PPP2R2C: variants seen among roughly 807,000 people sequenced by gnomAD.
PPP2R2C encodes the protein protein phosphatase 2, regulatory subunit B, gamma.
A neutral mutation model predicts 45.3 loss-of-function variants in PPP2R2C; 10 were observed. The ratio of observed to expected loss-of-function variants is 0.22; its 90% CI spans 0.14 to 0.37. The LOEUF is 0.37. PPP2R2C is among the 10% of genes least tolerant of loss of function. The pLI, the probability that PPP2R2C is intolerant of heterozygous loss-of-function variation, is 1.00. For synonymous variants in PPP2R2C, 257 were observed against 245.4 expected (o/e 1.05, Z -0.44); for missense variants, 308 against 619.7 (o/e 0.50, Z 5.34).
chr4:6,455,363 A>C (rs1720965959), intron 1 of PPP2R2C, among the ~76,000 whole-genome samples: 1 of 152,126 alleles, frequency 6.6e-6, no homozygotes, highest in South Asian at 2.1e-4. Flanking sequence ...CATCCCATAA[A>C]GTTGGGGCAG....
rs529779987 is a variant in PPP2R2C, at chr4:6,336,147, G to A, written c.791-2416C>T. On this transcript the variant is annotated intron_variant, in intron 6 of 8. Coordinates refer to ENST00000382599, the MANE Select transcript of PPP2R2C (RefSeq NM_020416.4). ...TTAGAATGCTATCAGGCTGGCAGGTGTTTAACGAAACTCAAAACTGACAGT... is the reference window on the plus strand; with the variant it reads ...TTAGAATGCTATCAGGCTGGCAGGTATTTAACGAAACTCAAAACTGACAGT... 8.5e-4 allele frequency among the ~76,000 whole-genome samples: 130 copies of A among 152,236 alleles called. 1 individual carries two copies. The highest frequency in any genetic ancestry group is 3.1e-3 in the African/African-American group (127 of 41,518).
At chr4:6,379,024 G>A (rs58752698) in intron 2 of PPP2R2C, among the ~76,000 whole-genome samples, 7 of 146,200 alleles carry the variant, frequency 4.8e-5, no homozygotes, top group East Asian at 2.3e-4. Flanking sequence ...CCTGCCTGAC[G>A]CCAAGGCTTG....
chr4:6,501,919 A>C (rs556420334), intron 2 of PPP2R2C, among the ~76,000 whole-genome samples: 6 of 152,362 alleles, frequency 3.9e-5, no homozygotes, highest in African/African-American at 1.4e-4. Flanking sequence ...AAAGCCCAGC[A>C]CATAGCAGGT....
chr4:6,368,941 C>T lies in PPP2R2C; in HGVS notation c.625+3582G>A, dbSNP rs1049913019. Among the ~76,000 whole-genome samples, 5 of 152,164 alleles carry T rather than the reference C, an allele frequency of 3.3e-5. No homozygotes were observed. The highest frequency in any genetic ancestry group is 9.7e-5 in the African/African-American group (4 of 41,424). ...CCCTGGAAGCAGGCAGGTGGGAAGT[C>T]GGCACAGCCTCCAGTAATGTAATAT... On this transcript the variant is annotated intron_variant, in intron 5 of 8. Transcript: ENST00000382599. The surrounding 1 kb of genome is among the most constrained non-coding windows in gnomAD (Gnocchi z 4.2).
rs368693717 is a variant in PPP2R2C at position 6,328,852 on chromosome 4, C to A, written c.1052+410G>T. On this transcript the variant is annotated intron_variant, in intron 8 of 8. Coordinates refer to ENST00000382599, the MANE Select transcript of PPP2R2C (RefSeq NM_020416.4). The surrounding 1 kb of genome is among the most constrained non-coding windows in gnomAD (Gnocchi z 4.4). ...GTGATGGGAGGAGGGGTGAGTAGACCGATGGTCAAAGCCACAGGGGTGCAG... is the reference window on the plus strand; with the variant it reads ...GTGATGGGAGGAGGGGTGAGTAGACAGATGGTCAAAGCCACAGGGGTGCAG... Among the ~76,000 whole-genome samples the A allele has an allele frequency of 1.3e-5, 2 of 152,104 alleles. No individual in the cohort carries two copies. Among genetic ancestry groups the A allele is most frequent in the African/African-American group, 4.8e-5 (2 of 41,424 alleles).
rs1577129372 is a variant in PPP2R2C, at chr4:6,380,907, C to T, written c.168+90G>A. Reference sequence around the variant, plus strand: ...CTCTCACCGCATCACCCCTTATCCCCCTTATCCTTATCCCCTCCCACCATG... The same window carrying T: ...CTCTCACCGCATCACCCCTTATCCCTCTTATCCTTATCCCCTCCCACCATG... On this transcript the variant is annotated intron_variant, in intron 2 of 8. Transcript: ENST00000382599. The T allele has an allele frequency of 6.2e-6, 9 of 1,444,674 alleles. No homozygotes were observed. The East Asian group carries it at 2.0e-4, about 32-fold the overall frequency. The allele number at this position is 1,444,674 out of a possible 1,614,324, so 89.5% of individuals were successfully genotyped here. A position where few individuals can be genotyped will look rare whatever the true frequency, so the allele number is the denominator to read the frequency against.
chr4:6,448,803 A>C (rs1231594257), intron 1 of PPP2R2C, among the ~76,000 whole-genome samples: 1 of 152,172 alleles, frequency 6.6e-6, no homozygotes, highest in African/African-American at 2.4e-5. Context: ...CCACAAGCCA[A>C]TGGCCACCAC....
chr4:6,444,640 G>C (rs186759985), intron 1 of PPP2R2C, among the ~76,000 whole-genome samples: 1 of 152,134 alleles, frequency 6.6e-6, no homozygotes, highest in Non-Finnish European at 1.5e-5. Context: ...GGTCCTAAGC[G>C]GGGGCCCAGT....
At chr4:6,466,009 G>A (rs1052724283) in intron 1 of PPP2R2C, among the ~76,000 whole-genome samples, 16 of 152,174 alleles carry the variant, frequency 1.1e-4, no homozygotes, top group South Asian at 2.1e-4. Context: ...CGTAACACAC[G>A]TTAAGAAAGG....
chr4:6,365,771 T>C (rs778189345), intron 5 of PPP2R2C, among the ~76,000 whole-genome samples: 4 of 152,158 alleles, frequency 2.6e-5, no homozygotes, highest in Non-Finnish European at 5.9e-5. Flanking sequence ...TAAATGGGAA[T>C]TAGAAATTCT....
intron 2 of PPP2R2C, among the ~76,000 whole-genome samples, chr4:6,513,647 T>C (rs1723740405): frequency 6.6e-6 from 1 of 152,218 alleles, no homozygotes; most frequent in South Asian, 2.1e-4. Flanking sequence ...AGGTCAGGTA[T>C]GAGGGTGAAC....
At position 6,328,586 on chromosome 4, in the gene PPP2R2C, G is replaced by T. The variant is rs1476175331; in HGVS notation, c.1052+676C>A. On this transcript the variant is annotated intron_variant, in intron 8 of 8. Coordinates refer to ENST00000382599, the MANE Select transcript of PPP2R2C (RefSeq NM_020416.4). The surrounding 1 kb of genome is among the most constrained non-coding windows in gnomAD (Gnocchi z 4.4). The stretch of plus-strand genomic sequence containing the variant: ...CAGAGGTAAGGACCCACGGGTAGAG[G>T]TCAGGTCAGGAGCCCCTGCCACAGC... Among the ~76,000 whole-genome samples, 4 of 152,222 alleles carry T rather than the reference G, an allele frequency of 2.6e-5. No individual in the cohort carries two copies. Among genetic ancestry groups the T allele is most frequent in the African/African-American group, 7.2e-5 (3 of 41,448 alleles).
At chr4:6,395,679 A>G (rs888558576) in intron 1 of PPP2R2C, among the ~76,000 whole-genome samples, 7 of 152,228 alleles carry the variant, frequency 4.6e-5, no homozygotes, top group Non-Finnish European at 1.0e-4. Context: ...CCAGTCATAC[A>G]GAGTGGTCAG....
intron 1 of PPP2R2C, among the ~76,000 whole-genome samples, chr4:6,432,618 T>A: frequency 6.6e-6 from 1 of 152,210 alleles, no homozygotes; most frequent in East Asian, 1.9e-4. Context: ...AGGACATCTG[T>A]CACCCCCAAG....
At position 6,329,357 on chromosome 4, in the gene PPP2R2C, G is replaced by A. The variant is rs1732214077; in HGVS notation, c.961-4C>T. ...TGCTCCGAAGGTAGTCATGGACCTG[G>A]TGGGATAAGGGATGAGGTGAGTGGA... is the stretch of plus-strand genomic sequence containing the variant. On this transcript the variant is annotated splice_region_variant and splice_polypyrimidine_tract_variant and intron_variant, in intron 7 of 8. Transcript: ENST00000382599. This position sits in a 1 kb window ranked among gnomAD's most constrained non-coding sequence, Gnocchi z 5.8. 5 of 1,613,010 alleles carry A rather than the reference G, an allele frequency of 3.1e-6. No homozygotes were observed. In the South Asian group the frequency reaches 4.4e-5, roughly 14 times the overall value.
intron 5 of PPP2R2C, among the ~76,000 whole-genome samples, chr4:6,352,648 C>A (rs1560470443): frequency 1.3e-5 from 2 of 152,156 alleles, no homozygotes; most frequent in African/African-American, 4.8e-5. Flanking sequence ...GAGAGAGGAG[C>A]AAGTTATGCA....
intron 2 of PPP2R2C, among the ~76,000 whole-genome samples, chr4:6,493,615 T>C (rs951842712): frequency 6.6e-6 from 1 of 150,904 alleles, no homozygotes; most frequent in South Asian, 2.1e-4. Flanking sequence ...AAATGAAAGA[T>C]AAATTTATGC....
intron 6 of PPP2R2C, among the ~76,000 whole-genome samples, chr4:6,337,112 G>GTGTGTGTATATATA (rs1202845732): frequency 1.0e-4 from 3 of 30,116 alleles, no homozygotes; most frequent in African/African-American, 3.1e-4. Flanking sequence ...ATGTGTGTGT[G>GTGTGTGTATATATA]TATATATATA....
chr4:6,359,683 T>A (rs1375634204), intron 5 of PPP2R2C, among the ~76,000 whole-genome samples: 4 of 150,248 alleles, frequency 2.7e-5, no homozygotes, highest in African/African-American at 9.8e-5. Flanking sequence ...CCTGCTCTCC[T>A]GGAGCCCAGC....
Sources: gnomAD v4.1 joint callset for allele counts (sites outside exome capture counted in the v4.1 genomes callset) on GRCh38, gnomAD v4.1.1 for gene constraint, Gnocchi (gnomAD v3.1) non-coding constraint, MANE v1.5 for transcripts, NCBI Gene and HGNC (gene_info 2026-07-23, HGNC 2026-07-21) for gene names.